The following TCF4 variants were observed in gnomAD, a reference collection of about 807,000 sequenced individuals.
The protein encoded by TCF4 is SL3-3 enhancer factor 2.
Under a neutral mutation model 82.1 loss-of-function variants are expected in TCF4, and 3 were observed. The ratio of observed to expected loss-of-function variants is 0.04; its 90% CI spans 0.02 to 0.09. The LOEUF is 0.09. Among genes scored for constraint, TCF4 ranks in the 10% least tolerant of loss-of-function variants. The pLI is 1.00. For synonymous variants in TCF4, 276 were observed against 309.6 expected (o/e 0.89, Z 1.14); for missense variants, 518 against 852.7 (o/e 0.61, Z 4.89).
At chr18:55,597,809 T>C (rs2097692657) in intron 2 of TCF4, among the ~76,000 whole-genome samples, 1 of 152,162 alleles carries the variant, frequency 6.6e-6, no homozygotes, top group African/African-American at 2.4e-5. Flanking sequence ...TTTAAAATCC[T>C]CCAAAAGCTG....
Position 55,505,431 on chromosome 18 carries a change from T to C in TCF4, c.146-41294A>G, listed in dbSNP as rs575745501. Among the ~76,000 whole-genome samples, 33 of 152,264 alleles carry C rather than the reference T, an allele frequency of 2.2e-4. No individual in the cohort carries two copies. The South Asian group carries it at 6.8e-3, about 32-fold the overall frequency. On this transcript the variant is annotated intron_variant, in intron 3 of 19. Coordinates refer to ENST00000354452, the MANE Select transcript of TCF4 (RefSeq NM_001083962.2). ...ATGCTGGGTACTCATGTAAGTAATTTACAAGAAATAACTTATTTAGTCCTC... is the reference window on the plus strand; with the variant it reads ...ATGCTGGGTACTCATGTAAGTAATTCACAAGAAATAACTTATTTAGTCCTC...
intron 8 of TCF4, among the ~76,000 whole-genome samples, chr18:55,290,680 T>A (rs1279588093): frequency 6.6e-6 from 1 of 152,112 alleles, no homozygotes; most frequent in Non-Finnish European, 1.5e-5. Context: ...TTGTACCTAA[T>A]AAGCACAGAC....
At chr18:55,374,963 G>A (rs1470948453) in intron 6 of TCF4, among the ~76,000 whole-genome samples, 1 of 137,324 alleles carries the variant, frequency 7.3e-6, no homozygotes. Flanking sequence ...GACATAGAAA[G>A]AAGAAAGAAA....
intron 3 of TCF4, among the ~76,000 whole-genome samples, chr18:55,561,660 C>T (rs1020314868): frequency 1.3e-5 from 2 of 152,172 alleles, no homozygotes; most frequent in African/African-American, 4.8e-5. Context: ...TTTCTCATAA[C>T]AATCTTCCTC....
intron 5 of TCF4, among the ~76,000 whole-genome samples, chr18:55,446,091 T>C (rs373413791): frequency 1.3e-5 from 2 of 152,148 alleles, no homozygotes; most frequent in Admixed American, 6.5e-5. Flanking sequence ...CTGGATGGAA[T>C]AGGATATATG....
chr18:55,600,738 T>G lies in TCF4; in HGVS notation c.287-13602A>C, dbSNP rs2097695956. ...ACCATTGGAGTGCAGTTGACTGTCC[T>G]TATTTGGGGGTTCCAACATCTGTGG... On this transcript the variant is annotated intron_variant, in intron 2 of 20. Coordinates refer to the TCF4 transcript ENST00000398339. Among the ~76,000 whole-genome samples, 6 of 152,216 alleles carry G rather than the reference T, an allele frequency of 3.9e-5. No homozygotes were observed. In the South Asian group the frequency reaches 1.2e-3, roughly 32 times the overall value.
intron 5 of TCF4, chr18:55,404,058 T>C (rs1220762176): frequency 2.7e-6 from 3 of 1,112,770 alleles, no homozygotes; most frequent in Admixed American, 4.6e-5. Flanking sequence ...ATGATCAAGA[T>C]GATGATGGAA....
chr18:55,407,872 TG>T (rs1348806704), intron 5 of TCF4, among the ~76,000 whole-genome samples: 5 of 152,154 alleles, frequency 3.3e-5, no homozygotes, highest in Non-Finnish European at 7.3e-5. Flanking sequence ...GTAAGGGAAC[TG>T]GGTGACAATG....
At chr18:55,295,969 T>A (rs2066396117) in intron 8 of TCF4, among the ~76,000 whole-genome samples, 2 of 152,162 alleles carry the variant, frequency 1.3e-5, no homozygotes, top group South Asian at 4.1e-4. Flanking sequence ...TTTGCCTATC[T>A]CATGCTTGTC....
At chr18:55,300,124 A>ACACC (rs1555844546) in intron 8 of TCF4, among the ~76,000 whole-genome samples, 4 of 149,698 alleles carry the variant, frequency 2.7e-5, no homozygotes, top group African/African-American at 7.5e-5. Flanking sequence ...ACACACACAC[A>ACACC]CCCCACATTA....
At chr18:55,380,363 G>A (rs550692939) in intron 6 of TCF4, among the ~76,000 whole-genome samples, 7 of 151,826 alleles carry the variant, frequency 4.6e-5, no homozygotes, top group African/African-American at 1.7e-4. Context: ...GTGTTTTGCT[G>A]CACCCATCAA....
intron 8 of TCF4, among the ~76,000 whole-genome samples, chr18:55,317,341 C>A (rs2074392007): frequency 6.6e-6 from 1 of 151,514 alleles, no homozygotes; most frequent in Non-Finnish European, 1.5e-5. Context: ...AAGTAAACAG[C>A]AATTAAAAAA....
intron 6 of TCF4, among the ~76,000 whole-genome samples, chr18:55,367,099 T>C (rs1397078864): frequency 2.6e-5 from 4 of 152,202 alleles, no homozygotes; most frequent in African/African-American, 7.2e-5. Flanking sequence ...AAGGTGATCT[T>C]TGCTCTGTAA....
chr18:55,625,995 C>A (rs2097726210), intron 2 of TCF4, among the ~76,000 whole-genome samples: 2 of 152,146 alleles, frequency 1.3e-5, no homozygotes, highest in Non-Finnish European at 2.9e-5. Context: ...CTATTAATTT[C>A]TATCAAAAGC....
chr18:55,455,672 C>T (rs965172931), intron 5 of TCF4, among the ~76,000 whole-genome samples: 7 of 152,086 alleles, frequency 4.6e-5, no homozygotes, highest in Non-Finnish European at 1.0e-4. Flanking sequence ...TTCACAGTTC[C>T]GTTCTTATGA....
At chr18:55,353,442 A>G (rs1481731509) in intron 6 of TCF4, among the ~76,000 whole-genome samples, 1 of 152,166 alleles carries the variant, frequency 6.6e-6, no homozygotes, top group Admixed American at 6.5e-5. Flanking sequence ...TATTTTTTTC[A>G]CAAAGCACAT....
chr18:55,442,844 G>C (rs1200753074), intron 5 of TCF4, among the ~76,000 whole-genome samples: 40 of 152,198 alleles, frequency 2.6e-4, no homozygotes, highest in Non-Finnish European at 2.9e-5. Context: ...TCACAGTACA[G>C]AATGAACACA....
At chr18:55,272,758 C>T (rs992027013) in intron 10 of TCF4, among the ~76,000 whole-genome samples, 2 of 152,038 alleles carry the variant, frequency 1.3e-5, no homozygotes, top group Non-Finnish European at 2.9e-5. Context: ...CTAGCCTCTA[C>T]GCACTGGATT....
intron 2 of TCF4, among the ~76,000 whole-genome samples, chr18:55,620,089 C>T (rs1403915065): frequency 1.3e-5 from 2 of 152,154 alleles, no homozygotes; most frequent in Non-Finnish European, 2.9e-5. Flanking sequence ...GTTCTTCCTG[C>T]ATTCATTCTT....
Sources: gnomAD v4.1 joint callset for allele counts (sites outside exome capture counted in the v4.1 genomes callset) on GRCh38, gnomAD v4.1.1 for gene constraint, MANE v1.5 for transcripts, NCBI Gene and HGNC (gene_info 2026-07-23, HGNC 2026-07-21) for gene names.